The following PIK3C2G variants were observed in gnomAD, a reference collection of about 807,000 sequenced individuals.
PIK3C2G encodes the protein phosphatidylinositol 3-kinase C2 domain-containing subunit gamma.
A neutral mutation model predicts 181.1 loss-of-function variants in PIK3C2G; 168 were observed. That is an observed-to-expected ratio of 0.93 (90% CI 0.82 to 1.05). PIK3C2G has a LOEUF of 1.05. Among genes scored for constraint, PIK3C2G ranks in the 50% least tolerant of loss-of-function variants. The pLI is 0.00. For missense variants in PIK3C2G, 1,869 were observed against 1,732.8 expected (o/e 1.08, Z -1.40); for synonymous variants, 573 against 592.2 (o/e 0.97, Z 0.47).
intron 18 of PIK3C2G, among the ~76,000 whole-genome samples, chr12:18,461,729 A>T (rs1947928525): frequency 6.6e-6 from 1 of 152,214 alleles, no homozygotes; most frequent in African/African-American, 2.4e-5. Flanking sequence ...CAGCTAAAAG[A>T]TGCCATCTGT....
intron 18 of PIK3C2G, among the ~76,000 whole-genome samples, chr12:18,457,789 A>C (rs188102029): frequency 6.6e-6 from 1 of 152,322 alleles, no homozygotes; most frequent in Admixed American, 6.5e-5. Flanking sequence ...TTTTAAAGTC[A>C]ATGTGAACAA....
At chr12:18,665,876 A>G in the PIK3C2G span, among the ~76,000 whole-genome samples, 1 of 150,986 alleles carries the variant, frequency 6.6e-6, no homozygotes, top group Non-Finnish European at 1.5e-5. Flanking sequence ...CAGAGGTTGC[A>G]GTGAGCCAAG....
In PIK3C2G at chr12:18,470,010, G is replaced by T. The variant is rs373050528; in HGVS notation, c.2505-18439G>T. ...AGAGTCATATCTAAAGTTTACCTGA[G>T]AGTTAAACTTCAGTATACTTTATTT... On this transcript the variant is annotated intron_variant, in intron 18 of 32. Coordinates refer to ENST00000538779, the MANE Select transcript of PIK3C2G (RefSeq NM_001288772.2). Among the ~76,000 whole-genome samples, 4 of 151,192 alleles carry T rather than the reference G, an allele frequency of 2.6e-5. 1 individual carries two copies. In the South Asian group the frequency reaches 6.2e-4, roughly 24 times the overall value.
intron 16 of PIK3C2G, among the ~76,000 whole-genome samples, chr12:18,417,267 A>G (rs1266627563): frequency 6.6e-6 from 1 of 152,160 alleles, no homozygotes; most frequent in Admixed American, 6.6e-5. Flanking sequence ...GTTTCTTGAG[A>G]TAGAATTTAC....
In PIK3C2G at chr12:18,274,748, C is replaced by A. The variant is rs926347495; in HGVS notation, c.-78-7256C>A. On this transcript the variant is annotated intron_variant, in intron 1 of 32. Transcript: ENST00000538779. The stretch of plus-strand genomic sequence containing the variant: ...CAGCACACCAACATGGCACATGTAT[C>A]CATATGTAACAAACCTGCACGTTGT... Among the ~76,000 whole-genome samples the A allele has an allele frequency of 2.0e-4, 30 of 152,012 alleles. 1 individual carries two copies. Among genetic ancestry groups the A allele is most frequent in the African/African-American group, 5.5e-4 (23 of 41,458 alleles).
the PIK3C2G span, among the ~76,000 whole-genome samples, chr12:18,661,622 G>C: frequency 6.6e-6 from 1 of 152,174 alleles, no homozygotes; most frequent in South Asian, 2.1e-4. Context: ...AGTCAGAATG[G>C]CTATTATTAA....
At chr12:18,324,976 A>C (rs1202923292) in intron 7 of PIK3C2G, 59 bp from the exon 8 acceptor site, 28 of 791,396 alleles carry the variant, frequency 3.5e-5, no homozygotes. Flanking sequence ...GTTTGTGCTA[A>C]AGGTAATATA....
chr12:18,674,095 G>A, the PIK3C2G span, among the ~76,000 whole-genome samples: 1 of 152,184 alleles, frequency 6.6e-6, no homozygotes, highest in African/African-American at 2.4e-5. Context: ...TACCACAACT[G>A]TGAAGAATAA....
At chr12:18,683,218 T>TAA in the PIK3C2G span, 6 of 1,603,534 alleles carry the variant, frequency 3.7e-6, no homozygotes, top group Non-Finnish European at 5.1e-6. Context: ...TAGCTAATGA[T>TAA]ATGTCATTTA....
intron 26 of PIK3C2G, among the ~76,000 whole-genome samples, chr12:18,559,811 TATATATATATAG>T (rs1156425817): frequency 6.8e-4 from 22 of 32,566 alleles, no homozygotes; most frequent in African/African-American, 1.2e-3. Context: ...TATATATATA[TATATATATATAG>T]AGAGAGAGAG....
At chr12:18,651,981 A>T (rs1319620805), downstream of PIK3C2G, among the ~76,000 whole-genome samples, 2 of 152,176 alleles carry the variant, frequency 1.3e-5, no homozygotes, top group African/African-American at 4.8e-5. Flanking sequence ...CCAGGTGTTT[A>T]AAAAAGTATA....
chr12:18,518,535 G>A (rs574901814), intron 24 of PIK3C2G, among the ~76,000 whole-genome samples: 7 of 152,138 alleles, frequency 4.6e-5, no homozygotes, highest in Non-Finnish European at 8.8e-5. Flanking sequence ...GGTGTTTATA[G>A]TATTCTCTGA....
chr12:18,599,572 A>G (rs923542538), intron 30 of PIK3C2G, among the ~76,000 whole-genome samples: 8 of 151,984 alleles, frequency 5.3e-5, no homozygotes, highest in Non-Finnish European at 4.4e-5. Flanking sequence ...TGGGTGCAGC[A>G]CACCAGCATG....
At chr12:18,549,759 T>C (rs1051813810) in intron 26 of PIK3C2G, among the ~76,000 whole-genome samples, 2 of 152,060 alleles carry the variant, frequency 1.3e-5, no homozygotes, top group Admixed American at 6.6e-5. Context: ...AGTTCCTTTC[T>C]GGAACTGCTA....
In PIK3C2G at chr12:18,581,230, A is replaced by T. The variant is rs192137923; in HGVS notation, c.4012-13264A>T. On this transcript the variant is annotated intron_variant, in intron 29 of 32. Coordinates refer to ENST00000538779, the MANE Select transcript of PIK3C2G (RefSeq NM_001288772.2). Reference sequence around the variant, plus strand: ...TTAAAATTATTCAGTTGGGTTTCAAATTTGTTCTTTATTGATTGCACTGTT... The same window carrying T: ...TTAAAATTATTCAGTTGGGTTTCAATTTTGTTCTTTATTGATTGCACTGTT... 2.6e-3 allele frequency among the ~76,000 whole-genome samples: 399 copies of T among 152,322 alleles called. 1 individual carries two copies. The highest frequency in any genetic ancestry group is 0.022 in the South Asian group (105 of 4,826).
chr12:18,317,471 CTTGTTACATG>C (rs1950919553), intron 6 of PIK3C2G, among the ~76,000 whole-genome samples: 3 of 152,060 alleles, frequency 2.0e-5, no homozygotes, highest in African/African-American at 7.2e-5. Flanking sequence ...ACAAATAAAA[CTTGTTACATG>C]CCGTTCATAG....
chr12:18,334,585 T>A (rs984372821), intron 8 of PIK3C2G, among the ~76,000 whole-genome samples: 3 of 152,152 alleles, frequency 2.0e-5, no homozygotes, highest in Non-Finnish European at 4.4e-5. Context: ...CATTAAAATA[T>A]TAAATGTTCT....
intron 5 of PIK3C2G, among the ~76,000 whole-genome samples, chr12:18,308,180 A>T (rs1398906620): frequency 1.3e-5 from 2 of 151,872 alleles, no homozygotes; most frequent in Non-Finnish European, 2.9e-5. Flanking sequence ...TAAAACGAGT[A>T]GTTCACAGCT....
At chr12:18,434,760 T>G (rs1946354756) in intron 18 of PIK3C2G, among the ~76,000 whole-genome samples, 2 of 152,156 alleles carry the variant, frequency 1.3e-5, no homozygotes, top group Non-Finnish European at 1.5e-5. Flanking sequence ...CATAAAGTGG[T>G]AGAGGAAGAG....
Sources: gnomAD v4.1 joint callset for allele counts (sites outside exome capture counted in the v4.1 genomes callset) on GRCh38, gnomAD v4.1.1 for gene constraint, MANE v1.5 for transcripts, NCBI Gene and HGNC (gene_info 2026-07-23, HGNC 2026-07-21) for gene names.